The following RBMS3 variants were observed in gnomAD, a reference collection of about 807,000 sequenced individuals.
The protein encoded by RBMS3 is RNA-binding motif, single-stranded-interacting protein 3.
In RBMS3, 27 loss-of-function variants were observed where a neutral mutation model predicts 66.8. The observed-to-expected ratio is 0.40, with a 90% CI of 0.30 to 0.56. RBMS3 has a LOEUF of 0.56. RBMS3 is among the 20% of genes least tolerant of loss of function. RBMS3 has a pLI of 0.40. For missense variants in RBMS3, 513 were observed against 549.5 expected (o/e 0.93, Z 0.66); for synonymous variants, 188 against 183.0 (o/e 1.03, Z -0.22).
intron 4 of RBMS3, among the ~76,000 whole-genome samples, chr3:29,699,267 G>T (rs2052433791): frequency 6.6e-6 from 1 of 152,096 alleles, no homozygotes; most frequent in Middle Eastern, 3.4e-3. Context: ...CTCCTGCCTC[G>T]GTCTCCGAAG....
intron 1 of RBMS3, among the ~76,000 whole-genome samples, chr3:29,411,798 A>G (rs1349492943): frequency 2.0e-5 from 3 of 152,228 alleles, no homozygotes; most frequent in Non-Finnish European, 4.4e-5. Context: ...GATCTTTTCC[A>G]TCACCACTCA....
intron 4 of RBMS3, among the ~76,000 whole-genome samples, chr3:29,720,681 G>A (rs1291530950): frequency 1.5e-5 from 2 of 134,458 alleles, no homozygotes; most frequent in African/African-American, 5.5e-5. Flanking sequence ...GAATTCATGA[G>A]TTCCCTGTAA....
chr3:29,384,527 A>G lies in RBMS3; in HGVS notation c.76-50216A>G, dbSNP rs1045441093. On this transcript the variant is annotated intron_variant, in intron 1 of 14. Transcript: ENST00000383767. ...GACATGATTTGAAAAAGAGTAGTGA[A>G]GTGAAATAGAGGCCCACAGCTCCTC... Among the ~76,000 whole-genome samples the G allele has an allele frequency of 2.6e-5, 4 of 152,278 alleles. No individual in the cohort carries two copies. The East Asian group carries it at 7.7e-4, about 29-fold the overall frequency.
intron 12 of RBMS3, among the ~76,000 whole-genome samples, chr3:29,951,473 G>C (rs1695677384): frequency 6.6e-6 from 1 of 151,334 alleles, no homozygotes; most frequent in Non-Finnish European, 1.5e-5. Flanking sequence ...AGAGTAGAGA[G>C]TATATAATCT....
chr3:29,561,416 G>T (rs1201036869), intron 3 of RBMS3, among the ~76,000 whole-genome samples: 1 of 150,602 alleles, frequency 6.6e-6, no homozygotes, highest in African/African-American at 2.5e-5. Flanking sequence ...CCACAACCTT[G>T]CCAGCATCTG....
At chr3:29,322,102 T>C (rs978479938) in intron 1 of RBMS3, among the ~76,000 whole-genome samples, 59 of 152,172 alleles carry the variant, frequency 3.9e-4, no homozygotes, top group African/African-American at 1.4e-3. Flanking sequence ...GGATGCTCCA[T>C]CTATGAAGGG....
intron 8 of RBMS3, among the ~76,000 whole-genome samples, chr3:29,894,356 T>A (rs2060072739): frequency 6.6e-6 from 1 of 151,484 alleles, no homozygotes; most frequent in African/African-American, 2.4e-5. Flanking sequence ...TAGAAGGGAA[T>A]ACAGACATGC....
At position 29,932,012 on chromosome 3, in the gene RBMS3, T is replaced by C. The variant is rs1419158166; in HGVS notation, c.940-4074T>C. On this transcript the variant is annotated intron_variant, in intron 10 of 14. Coordinates refer to ENST00000383767, the MANE Select transcript of RBMS3 (RefSeq NM_001003793.3). Reference sequence around the variant, plus strand: ...GCAGAAAAAAAGGGATGCTGTTTTTTTAATTTTCACTTATCCAAATAATTT... The same window carrying C: ...GCAGAAAAAAAGGGATGCTGTTTTTCTAATTTTCACTTATCCAAATAATTT... 2.0e-5 allele frequency among the ~76,000 whole-genome samples: 3 copies of C among 152,314 alleles called. No homozygotes were observed. The East Asian group carries it at 5.8e-4, about 29-fold the overall frequency.
intron 12 of RBMS3, among the ~76,000 whole-genome samples, chr3:29,958,020 T>A (rs934359646): frequency 6.6e-6 from 1 of 152,146 alleles, no homozygotes; most frequent in Non-Finnish European, 1.5e-5. Flanking sequence ...AGCACCATAT[T>A]CAGTCTGTTA....
At chr3:29,483,489 G>A (rs2043216194) in intron 2 of RBMS3, among the ~76,000 whole-genome samples, 1 of 152,000 alleles carries the variant, frequency 6.6e-6, no homozygotes, top group Admixed American at 6.6e-5. Context: ...AAACTCTCCA[G>A]GCCCACCTCT....
rs397989061 is a variant in RBMS3, at chr3:29,739,974, C to CAAA, written c.557+111_557+113dup. ...CTAGAGCCCAAAGCAATAGAATATG[C>CAAA]AAAAAAAAAAAAAAAATTAAAAGTA... On this transcript the variant is annotated intron_variant, in intron 5 of 14. Transcript: ENST00000383767. The CAAA allele has an allele frequency of 4.9e-3, 2,729 of 561,314 alleles. 3 individuals carry two copies. The highest frequency in any genetic ancestry group is 0.01 in the South Asian group (116 of 11,268). 34.8% of individuals were successfully genotyped at this position (561,314 alleles called of 1,614,324 possible). A position where few individuals can be genotyped will look rare whatever the true frequency, so the allele number is the denominator to read the frequency against.
chr3:29,309,580 AAGAT>A (rs1413160934), intron 1 of RBMS3, among the ~76,000 whole-genome samples: 2 of 151,548 alleles, frequency 1.3e-5, no homozygotes, highest in East Asian at 2.0e-4. Context: ...AAAGAATTGA[AAGAT>A]AGAATCCTAG....
At chr3:29,752,120 G>A (rs976491269) in intron 5 of RBMS3, among the ~76,000 whole-genome samples, 3 of 152,170 alleles carry the variant, frequency 2.0e-5, no homozygotes, top group Admixed American at 6.5e-5. Flanking sequence ...GGATTTTATC[G>A]TGTGGTGGAA....
intron 10 of RBMS3, among the ~76,000 whole-genome samples, chr3:29,919,823 G>A (rs1447708392): frequency 6.6e-6 from 1 of 152,182 alleles, no homozygotes; most frequent in East Asian, 1.9e-4. Context: ...TTTCAGCATT[G>A]TACATTGTCA....
At chr3:29,950,494 C>A (rs749618071) in intron 12 of RBMS3, among the ~76,000 whole-genome samples, 2 of 151,842 alleles carry the variant, frequency 1.3e-5, no homozygotes, top group African/African-American at 2.4e-5. Context: ...AAATCAACAG[C>A]ACAAAGTGGG....
intron 1 of RBMS3, among the ~76,000 whole-genome samples, chr3:29,397,422 A>G (rs1308895712): frequency 6.6e-6 from 1 of 152,164 alleles, no homozygotes; most frequent in Non-Finnish European, 1.5e-5. Context: ...TTCTTAATTT[A>G]TGATGGTCCG....
At chr3:29,891,310 T>C (rs879665328) in intron 8 of RBMS3, among the ~76,000 whole-genome samples, 6 of 151,600 alleles carry the variant, frequency 4.0e-5, no homozygotes, top group Non-Finnish European at 8.9e-5. Context: ...AGTTCTGTCA[T>C]CTGCCTGAAT....
intron 12 of RBMS3, among the ~76,000 whole-genome samples, chr3:29,959,743 C>T (rs544757163): frequency 1.3e-5 from 2 of 152,158 alleles, no homozygotes; most frequent in South Asian, 2.1e-4. Flanking sequence ...GCAAACACAT[C>T]CTTATTCACA....
intron 1 of RBMS3, among the ~76,000 whole-genome samples, chr3:29,339,988 A>G (rs1303332830): frequency 6.6e-6 from 1 of 152,246 alleles, no homozygotes; most frequent in East Asian, 1.9e-4. Context: ...AACGTTGTGC[A>G]AAAACACCAA....
Sources: gnomAD v4.1 joint callset for allele counts (sites outside exome capture counted in the v4.1 genomes callset) on GRCh38, gnomAD v4.1.1 for gene constraint, MANE v1.5 for transcripts, NCBI Gene and HGNC (gene_info 2026-07-23, HGNC 2026-07-21) for gene names.